RBBP8: variants seen among roughly 807,000 people sequenced by gnomAD.
RBBP8 encodes DNA endonuclease RBBP8.
A neutral mutation model predicts 108.3 loss-of-function variants in RBBP8; 88 were observed. That is an observed-to-expected ratio of 0.81 (90% CI 0.68 to 0.97). The LOEUF (loss-of-function observed/expected upper bound fraction) is 0.97, where lower values mean the gene tolerates loss of function less well. Among genes scored for constraint, RBBP8 ranks in the 50% least tolerant of loss-of-function variants. RBBP8 has a pLI of 0.00. For synonymous variants in RBBP8, 332 were observed against 348.2 expected, an observed-to-expected ratio of 0.95 and a Z score of 0.52; for missense variants, 1,023 against 1,049.0, an observed-to-expected ratio of 0.98 and a Z score of 0.34.
intron 10 of RBBP8, among the ~76,000 whole-genome samples, chr18:22,992,044 A>G (rs1915738952): frequency 6.6e-6 from 1 of 152,230 alleles, no homozygotes; most frequent in Non-Finnish European, 1.5e-5. Flanking sequence ...TACCCAGCCC[A>G]CATCTTCAAA....
At chr18:22,928,100 C>A (rs1458806759) in intron 3 of RBBP8, among the ~76,000 whole-genome samples, 1 of 151,244 alleles carries the variant, frequency 6.6e-6, no homozygotes, top group Admixed American at 6.6e-5. Flanking sequence ...ACTCGGGAGA[C>A]TGAGGCATGA....
intron 16 of RBBP8, among the ~76,000 whole-genome samples, chr18:23,012,500 C>G (rs2046185404): frequency 1.3e-5 from 2 of 152,118 alleles, no homozygotes; most frequent in African/African-American, 2.4e-5. Flanking sequence ...TTTCAGTGGT[C>G]TAGATTGAAG....
Position 22,996,693 on chromosome 18 carries a change from A to G in RBBP8, c.2028+231A>G, listed in dbSNP as rs1375200697. Among the ~76,000 whole-genome samples the G allele has an allele frequency of 2.6e-5, 4 of 152,234 alleles. No homozygotes were observed. Among genetic ancestry groups the G allele is most frequent in the Non-Finnish European group, 4.4e-5 (3 of 68,042 alleles). On this transcript the variant is annotated intron_variant, in intron 13 of 18. Transcript: ENST00000327155. ...AAGGCCTTTACTGAAAAATATTAAT[A>G]TAGTTTTTAAAAGAATGCAGTGGGC...
chr18:22,994,109 C>T (rs1308190010), intron 12 of RBBP8, among the ~76,000 whole-genome samples: 5 of 146,436 alleles, frequency 3.4e-5, no homozygotes, highest in African/African-American at 1.2e-4. Flanking sequence ...CAAGCTCCGC[C>T]TCCCGGGTTC....
intron 4 of RBBP8, among the ~76,000 whole-genome samples, chr18:22,953,711 ACTTT>A (rs957952367): frequency 1.3e-5 from 2 of 151,414 alleles, no homozygotes; most frequent in Non-Finnish European, 2.9e-5. Flanking sequence ...CCATTAAATT[ACTTT>A]CTTTTATGTA....
At chr18:22,931,291 A>G (rs1038439304), upstream of RBBP8, among the ~76,000 whole-genome samples, 2 of 152,180 alleles carry the variant, frequency 1.3e-5, no homozygotes, top group African/African-American at 2.4e-5. Flanking sequence ...AGGAGACATC[A>G]AAAGTCTAGT....
Position 22,991,034 on chromosome 18 carries a change from C to T in RBBP8, c.905C>T (p.Thr302Ile). The T allele has an allele frequency of 1.2e-6, 2 of 1,610,668 alleles. No homozygotes were observed. The highest frequency in any genetic ancestry group is 1.7e-6 in the Non-Finnish European group (2 of 1,177,278). Residue 302 changes from threonine to isoleucine, a missense_variant, in exon 10 of 19, where the codon ACT becomes ATT. Physicochemically the swap from Thr to Ile is moderately conservative, Grantham distance 89 (BLOSUM62 -1). Transcript: ENST00000327155. ...KQPFEESTRN[T>I]EDSLRFSDST... ...CCTTTTGAGGAATCTACAAGAAATA[C>T]TGAAGATAGTTTAAGGTAATTAAGG...
intron 17 of RBBP8, among the ~76,000 whole-genome samples, chr18:23,018,199 A>G (rs937720376): frequency 2.6e-5 from 4 of 152,030 alleles, no homozygotes; most frequent in African/African-American, 9.7e-5. Flanking sequence ...CTGGGATTAC[A>G]GGCATGCGCC....
At chr18:22,926,227 A>T (rs2878838) in intron 3 of RBBP8, among the ~76,000 whole-genome samples, 32,826 of 152,112 alleles carry the variant, frequency 0.22, 3,848 homozygotes, top group East Asian at 0.44. Flanking sequence ...GTTCCAGACC[A>T]GCCTAGCCAA....
chr18:22,965,249 C>T (rs1411237365), intron 4 of RBBP8, among the ~76,000 whole-genome samples: 1 of 151,784 alleles, frequency 6.6e-6, no homozygotes, highest in Non-Finnish European at 1.5e-5. Flanking sequence ...AATTTATAAG[C>T]ATTTCTCAGA....
intron 13 of RBBP8, among the ~76,000 whole-genome samples, chr18:22,997,143 TAGTGGAAA>T (rs1274374525): frequency 2.0e-5 from 3 of 152,236 alleles, no homozygotes; most frequent in Non-Finnish European, 4.4e-5. Flanking sequence ...TTAAAATTCA[TAGTGGAAA>T]TAGTTTTTTG....
intron 16 of RBBP8, among the ~76,000 whole-genome samples, chr18:23,011,879 C>T (rs2046169945): frequency 6.6e-6 from 1 of 152,056 alleles, no homozygotes; most frequent in African/African-American, 2.4e-5. Flanking sequence ...TCTTGGGCCT[C>T]CCTATTCCCT....
At chr18:22,926,767 A>C (rs1159819234) in intron 3 of RBBP8, among the ~76,000 whole-genome samples, 1 of 152,250 alleles carries the variant, frequency 6.6e-6, no homozygotes, top group African/African-American at 2.4e-5. Flanking sequence ...GCCAGGCTAC[A>C]CGAGACTAAT....
intron 17 of RBBP8, 143 bp downstream of exon 17, chr18:23,017,067 ATTCTGGGTC>A: frequency 1.4e-6 from 1 of 731,160 alleles, no homozygotes; most frequent in Non-Finnish European, 2.3e-6. Flanking sequence ...AATAAGGAGT[ATTCTGGGTC>A]GGGTGCGGTG....
intron 8 of RBBP8, among the ~76,000 whole-genome samples, chr18:22,987,540 A>G (rs554841168): frequency 9.2e-5 from 14 of 151,934 alleles, no homozygotes; most frequent in Non-Finnish European, 2.1e-4. Flanking sequence ...TGCAGCCTCA[A>G]CCTCCCAGGC....
chr18:23,009,278 T>C (rs115192247), intron 16 of RBBP8, among the ~76,000 whole-genome samples: 2,175 of 152,148 alleles, frequency 0.014, 46 homozygotes, highest in African/African-American at 0.049. Flanking sequence ...TTCAGAATAA[T>C]ACCACCAATA....
At chr18:22,923,182 TC>T (rs1439752632) in intron 3 of RBBP8, among the ~76,000 whole-genome samples, 6 of 152,138 alleles carry the variant, frequency 3.9e-5, no homozygotes, top group Non-Finnish European at 8.8e-5. Flanking sequence ...CTATCAACAA[TC>T]CTGCAAAACA....
intron 7 of RBBP8, among the ~76,000 whole-genome samples, chr18:22,983,235 T>C (rs1245800303): frequency 2.0e-5 from 3 of 152,206 alleles, no homozygotes; most frequent in African/African-American, 7.2e-5. Context: ...CTAAACTATT[T>C]GCAACAAGGA....
chr18:22,914,963 A>C lies in RBBP8; in HGVS notation c.-305-457A>C, dbSNP rs1165789031. ...GATCTTCCTTTCATTTATATTAAAA[A>C]TCTTCCTTTTATCTCTCTCTTTACG... On this transcript the variant is annotated intron_variant, in intron 1 of 4. Transcript: ENST00000577588. Among the ~76,000 whole-genome samples, 4 of 152,242 alleles carry C rather than the reference A, an allele frequency of 2.6e-5. No individual in the cohort carries two copies. The South Asian group carries it at 8.3e-4, about 31-fold the overall frequency.
Sources: allele counts gnomAD v4.1 joint callset (sites outside exome capture counted in the v4.1 genomes callset), GRCh38; gene constraint gnomAD v4.1.1; transcripts MANE v1.5; gene names NCBI Gene and HGNC (gene_info 2026-07-23, HGNC 2026-07-21).